Variants in SEPTIN7 observed in about 807,000 individuals in gnomAD.
SEPTIN7 encodes the protein septin-7.
SEPTIN7 carries 10 observed loss-of-function variants against 63.3 expected under a neutral mutation model. The ratio of observed to expected loss-of-function variants is 0.16; its 90% CI spans 0.10 to 0.27. SEPTIN7 has a LOEUF of 0.27. Among genes scored for constraint, SEPTIN7 ranks in the 10% least tolerant of loss-of-function variants. SEPTIN7 has a pLI of 1.00. For synonymous variants in SEPTIN7, 131 were observed against 165.3 expected (o/e 0.79, Z 1.59); for missense variants, 310 against 521.0 (o/e 0.59, Z 3.94).
At chr7:35,831,460 A>G (rs1333742275) in intron 1 of SEPTIN7, 32 bp from the exon 2 acceptor site, 4 of 471,254 alleles carry the variant, frequency 8.5e-6, no homozygotes, top group South Asian at 3.2e-5. Context: ...AATCTGGAAC[A>G]CTGGAATGAT....
chr7:35,914,780 C>A, the SEPTIN7 span, among the ~76,000 whole-genome samples: 1 of 151,804 alleles, frequency 6.6e-6, no homozygotes, highest in South Asian at 2.1e-4. Flanking sequence ...AATCTCTATT[C>A]TCTCTCTTTC....
At position 35,906,906 on chromosome 7, in the gene SEPTIN7, G is replaced by C. The variant is rs1425487570; in HGVS notation, c.*2613G>C. 2 of 152,230 alleles carry C rather than the reference G, an allele frequency of 1.3e-5. No individual in the cohort carries two copies. Among genetic ancestry groups the C allele is most frequent in the Admixed American group, 6.5e-5 (1 of 15,278 alleles). 9.4% of individuals were successfully genotyped at this position (152,230 alleles called of 1,614,324 possible). A position where few individuals can be genotyped will look rare whatever the true frequency, so the allele number is the denominator to read the frequency against. On this transcript the variant is annotated 3_prime_UTR_variant, in exon 14 of 14. Coordinates refer to ENST00000350320, the MANE Select transcript of SEPTIN7 (RefSeq NM_001788.6). ...GACGGCTTGATAGCTATGAATGCAT[G>C]AGGAGCGAAATGTTGACTCAGTTAT...
chr7:35,847,485 T>A (rs1245679510), intron 3 of SEPTIN7: 1 of 153,324 alleles, frequency 6.5e-6, no homozygotes, highest in Non-Finnish European at 1.5e-5. Flanking sequence ...ATTTGGTATT[T>A]GCTAATTTGG....
intron 8 of SEPTIN7, 47 bp from the exon 9 acceptor site, chr7:35,883,844 G>A (rs778833951): frequency 1.4e-5 from 14 of 995,556 alleles, no homozygotes; most frequent in Non-Finnish European, 2.1e-5. Context: ...TTTTGAATTT[G>A]TGAGGACTAC....
chr7:35,856,295 T>TCATG (rs1785201101), intron 3 of SEPTIN7, among the ~76,000 whole-genome samples: 1 of 152,230 alleles, frequency 6.6e-6, no homozygotes, highest in Non-Finnish European at 1.5e-5. Context: ...CTCTGTCTTT[T>TCATG]CATGGTTTGG....
At chr7:35,833,030 T>C (rs953030373) in intron 3 of SEPTIN7, 130 bp downstream of exon 3, 11 of 598,820 alleles carry the variant, frequency 1.8e-5, no homozygotes, top group Admixed American at 1.5e-4. Context: ...TTTTCTCTTA[T>C]GTGCATACAT....
chr7:35,809,783 C>G (rs1010071052), intron 1 of SEPTIN7, among the ~76,000 whole-genome samples: 24 of 152,128 alleles, frequency 1.6e-4, no homozygotes, highest in Non-Finnish European at 2.4e-4. Context: ...TTATTGAAGG[C>G]TTTAAAAGAA....
At chr7:35,894,974 A>T (rs1316182486) in intron 11 of SEPTIN7, among the ~76,000 whole-genome samples, 1 of 152,178 alleles carries the variant, frequency 6.6e-6, no homozygotes, top group African/African-American at 2.4e-5. Flanking sequence ...CCCTAGAAGG[A>T]GCTAAATCAT....
At chr7:35,828,322 T>A (rs1783622970) in intron 1 of SEPTIN7, among the ~76,000 whole-genome samples, 1 of 152,190 alleles carries the variant, frequency 6.6e-6, no homozygotes, top group Non-Finnish European at 1.5e-5. Flanking sequence ...ATCTTGGTTT[T>A]CTTCCTGTCT....
chr7:35,890,981 A>G (rs1787605691), intron 11 of SEPTIN7, among the ~76,000 whole-genome samples, 188 bp downstream of exon 11: 1 of 152,216 alleles, frequency 6.6e-6, no homozygotes, highest in South Asian at 2.1e-4. Context: ...AACCATTTTG[A>G]TAGTTTTCAC....
At chr7:35,898,415 A>AC in intron 12 of SEPTIN7, 32 bp downstream of exon 12, 1 of 1,394,634 alleles carries the variant, frequency 7.2e-7, no homozygotes, top group Non-Finnish European at 9.8e-7. Flanking sequence ...CTCTTAGCAG[A>AC]CATTGTGTTC....
chr7:35,828,540 G>A (rs796538833), intron 1 of SEPTIN7, among the ~76,000 whole-genome samples: 34 of 152,164 alleles, frequency 2.2e-4, no homozygotes, highest in Middle Eastern at 3.4e-3. Flanking sequence ...CACCAAGTCC[G>A]GCCCATTTTT....
intron 4 of SEPTIN7, among the ~76,000 whole-genome samples, chr7:35,866,870 A>G (rs908722790): frequency 2.8e-4 from 43 of 152,196 alleles, no homozygotes; most frequent in Admixed American, 2.0e-4. Context: ...GCACATCACA[A>G]TCACCTGGAA....
At chr7:35,818,285 T>G (rs1227517714) in intron 1 of SEPTIN7, among the ~76,000 whole-genome samples, 1 of 152,112 alleles carries the variant, frequency 6.6e-6, no homozygotes, top group Non-Finnish European at 1.5e-5. Context: ...TTGATTAATT[T>G]TCATATGTAA....
At chr7:35,829,061 C>T (rs1783670523) in intron 1 of SEPTIN7, among the ~76,000 whole-genome samples, 1 of 151,742 alleles carries the variant, frequency 6.6e-6, no homozygotes, top group South Asian at 2.1e-4. Context: ...TGCTTGCCTC[C>T]CTGACCTCAT....
rs991308005 is a variant in SEPTIN7 at position 35,904,864 on chromosome 7, TTTTG to T, written c.*583_*586del. On this transcript the variant is annotated 3_prime_UTR_variant, in exon 14 of 14. Coordinates refer to ENST00000350320, the MANE Select transcript of SEPTIN7 (RefSeq NM_001788.6). ...CTAGAGCTTTTTTATAACAACGTCT[TTTTG>T]TTTGTTTGTTTTGGATTCTTTAAAT... The T allele has an allele frequency of 2.0e-5, 3 of 152,586 alleles. No individual in the cohort carries two copies. The highest frequency in any genetic ancestry group is 2.1e-4 in the South Asian group (1 of 4,834). 9.5% of individuals were successfully genotyped at this position (152,586 alleles called of 1,614,324 possible).
chr7:35,890,278 T>A (rs544002865), intron 10 of SEPTIN7, among the ~76,000 whole-genome samples: 4 of 152,232 alleles, frequency 2.6e-5, no homozygotes, highest in African/African-American at 9.6e-5. Flanking sequence ...TATATTACCT[T>A]AGTAATATTG....
At chr7:35,849,821 A>G (rs1048739134) in intron 3 of SEPTIN7, among the ~76,000 whole-genome samples, 37 of 152,110 alleles carry the variant, frequency 2.4e-4, no homozygotes, top group African/African-American at 8.2e-4. Context: ...TCTTTAACTT[A>G]TTTGGCATTA....
intron 3 of SEPTIN7, among the ~76,000 whole-genome samples, chr7:35,862,182 G>C (rs1334540996): frequency 6.6e-6 from 1 of 152,024 alleles, no homozygotes; most frequent in African/African-American, 2.4e-5. Context: ...TATCCACAGA[G>C]TAGCCACTAT....
Sources: allele counts gnomAD v4.1 joint callset (sites outside exome capture counted in the v4.1 genomes callset), GRCh38; gene constraint gnomAD v4.1.1; transcripts MANE v1.5; gene names NCBI Gene and HGNC (gene_info 2026-07-23, HGNC 2026-07-21).